WWOX: variants seen among roughly 807,000 people sequenced by gnomAD.
The protein encoded by WWOX is WW domain containing oxidoreductase.
WWOX carries 69 observed loss-of-function variants against 46.2 expected under a neutral mutation model. That is an observed-to-expected ratio of 1.49 (90% CI 1.23 to 1.82). The LOEUF (loss-of-function observed/expected upper bound fraction) is 1.82. WWOX is among the 40% of genes most tolerant of loss of function. The pLI is 0.00. For missense variants in WWOX, 919 were observed against 542.6 expected, an observed-to-expected ratio of 1.69 and a Z score of -6.89; for synonymous variants, 359 against 202.6, an observed-to-expected ratio of 1.77 and a Z score of -6.56.
intron 8 of WWOX, among the ~76,000 whole-genome samples, chr16:78,810,286 A>C (rs2051152148): frequency 6.6e-6 from 1 of 152,208 alleles, no homozygotes; most frequent in Non-Finnish European, 1.5e-5. Context: ...GGATCTGTTA[A>C]ATGGCAGCTT....
intron 6 of WWOX, among the ~76,000 whole-genome samples, chr16:78,412,472 G>T (rs2082704103): frequency 6.6e-6 from 1 of 152,158 alleles, no homozygotes; most frequent in South Asian, 2.1e-4. Flanking sequence ...CATGGATTTG[G>T]AAGAAACTGC....
intron 8 of WWOX, among the ~76,000 whole-genome samples, chr16:78,766,977 T>G (rs536765201): frequency 7.2e-5 from 11 of 152,320 alleles, no homozygotes; most frequent in African/African-American, 2.6e-4. Flanking sequence ...ACCCCTACTT[T>G]ACTTTCTGCA....
intron 8 of WWOX, among the ~76,000 whole-genome samples, chr16:79,094,102 T>G (rs1375584187): frequency 1.3e-5 from 2 of 152,120 alleles, no homozygotes; most frequent in South Asian, 4.1e-4. Flanking sequence ...ACCTCCTCAC[T>G]CCTCTATCCT....
intron 8 of WWOX, among the ~76,000 whole-genome samples, chr16:79,157,829 G>C (rs1025391554): frequency 6.6e-6 from 1 of 152,204 alleles, no homozygotes; most frequent in East Asian, 1.9e-4. Context: ...TCTGTGGGGA[G>C]GACTGAACGA....
At chr16:79,110,895 G>A (rs2049403907) in intron 8 of WWOX, 1 of 152,138 alleles carries the variant, frequency 6.6e-6, no homozygotes, top group African/African-American at 2.4e-5. Flanking sequence ...GGTCTTTCGG[G>A]ATTGTTTTGA....
At chr16:79,034,993 A>C (rs1003043560) in intron 8 of WWOX, among the ~76,000 whole-genome samples, 1 of 152,224 alleles carries the variant, frequency 6.6e-6, no homozygotes. Flanking sequence ...ATTGTCCTCT[A>C]ATTCATTAAT....
chr16:78,618,535 T>A (rs747156800), intron 8 of WWOX, among the ~76,000 whole-genome samples: 1 of 152,112 alleles, frequency 6.6e-6, no homozygotes, highest in Non-Finnish European at 1.5e-5. Context: ...ATAATGACTT[T>A]ATTTTACCTG....
At chr16:78,853,923 G>C (rs1283857144) in intron 8 of WWOX, among the ~76,000 whole-genome samples, 2 of 152,142 alleles carry the variant, frequency 1.3e-5, no homozygotes, top group Non-Finnish European at 2.9e-5. Flanking sequence ...AATACTTGTA[G>C]TATCATGGAT....
At chr16:78,806,026 A>T (rs997589725) in intron 8 of WWOX, among the ~76,000 whole-genome samples, 4 of 152,218 alleles carry the variant, frequency 2.6e-5, no homozygotes, top group Non-Finnish European at 5.9e-5. Context: ...TAATGAATTA[A>T]TCCAAAGCCA....
chr16:78,420,241 A>G (rs1408625890), intron 6 of WWOX, among the ~76,000 whole-genome samples: 2 of 152,172 alleles, frequency 1.3e-5, no homozygotes, highest in Admixed American at 6.5e-5. Flanking sequence ...GAATTACCAT[A>G]TGACCCAATA....
intron 8 of WWOX, among the ~76,000 whole-genome samples, chr16:79,032,473 C>G (rs1298558841): frequency 1.4e-5 from 2 of 146,118 alleles, no homozygotes; most frequent in African/African-American, 5.0e-5. Context: ...ATAATAAACC[C>G]ATATATAATA....
At chr16:78,522,201 C>T (rs1156998938) in intron 8 of WWOX, among the ~76,000 whole-genome samples, 1 of 149,160 alleles carries the variant, frequency 6.7e-6, no homozygotes, top group Non-Finnish European at 1.5e-5. Context: ...CTTTGGTGTA[C>T]TTTCTTTACT....
At chr16:78,945,949 G>A (rs557990677) in intron 8 of WWOX, among the ~76,000 whole-genome samples, 71 of 152,026 alleles carry the variant, frequency 4.7e-4, no homozygotes, top group African/African-American at 1.0e-3. Flanking sequence ...TTTCTCATCC[G>A]TCTCTTCAGG....
At chr16:78,351,618 A>G (rs975629748) in intron 5 of WWOX, among the ~76,000 whole-genome samples, 11 of 152,154 alleles carry the variant, frequency 7.2e-5, no homozygotes, top group African/African-American at 2.4e-4. Context: ...TCTATATTGC[A>G]CATAGCTCCT....
intron 8 of WWOX, among the ~76,000 whole-genome samples, chr16:78,870,088 C>T (rs1328454042): frequency 1.3e-5 from 2 of 152,166 alleles, no homozygotes; most frequent in Non-Finnish European, 2.9e-5. Flanking sequence ...GTCACCTGTC[C>T]ATGTGTAAGG....
At chr16:79,024,381 C>A (rs187282087) in intron 8 of WWOX, among the ~76,000 whole-genome samples, 3 of 152,144 alleles carry the variant, frequency 2.0e-5, no homozygotes, top group Non-Finnish European at 4.4e-5. Context: ...ACCTTAGCCT[C>A]CTCAGTAGCT....
At chr16:78,674,852 G>A (rs1276385679) in intron 8 of WWOX, among the ~76,000 whole-genome samples, 1 of 148,408 alleles carries the variant, frequency 6.7e-6, no homozygotes, top group Non-Finnish European at 1.5e-5. Flanking sequence ...CTGGAAGAAA[G>A]AGCAGATCTG....
At chr16:78,241,182 C>T (rs145000524) in intron 5 of WWOX, 1 of 152,310 alleles carries the variant, frequency 6.6e-6, no homozygotes, top group African/African-American at 2.4e-5. Flanking sequence ...GATATTGACC[C>T]ATGATACTTA....
chr16:78,962,313 TTTTTTTTTTTTTTAA>T (rs1489911951), intron 8 of WWOX, among the ~76,000 whole-genome samples: 1 of 90,388 alleles, frequency 1.1e-5, no homozygotes, highest in African/African-American at 4.6e-5. Flanking sequence ...TTTTTTTTTT[TTTTTTTTTTTTTTAA>T]AAAAAAAAAA....
Sources: allele counts gnomAD v4.1 joint callset (sites outside exome capture counted in the v4.1 genomes callset), GRCh38; gene constraint gnomAD v4.1.1; transcripts MANE v1.5; gene names NCBI Gene and HGNC (gene_info 2026-07-23, HGNC 2026-07-21).